Variants in CUL2 observed in about 807,000 individuals in gnomAD.
CUL2 encodes cullin-2.
A neutral mutation model predicts 110.2 loss-of-function variants in CUL2; 22 were observed. The ratio of observed to expected loss-of-function variants is 0.20; its 90% confidence interval spans 0.14 to 0.28. CUL2 has a LOEUF of 0.28. Ranked by LOEUF, CUL2 falls within the 10% of genes least tolerant of loss-of-function variation. CUL2 has a pLI of 1.00. For missense variants in CUL2, 631 were observed against 905.5 expected (o/e 0.70, Z 3.89); for synonymous variants, 279 against 293.2 (o/e 0.95, Z 0.49).
At position 35,009,225 on chromosome 10, in the gene CUL2, T is replaced by TA. The variant is rs1380061073; in HGVS notation, c.*1085dup. ...ATTATATATATATATATATATAAAA[T>TA]AAACAAAATAATGGGATTTATATAT... is the stretch of plus-strand genomic sequence containing the variant. On this transcript the variant is annotated 3_prime_UTR_variant, in exon 21 of 21. Transcript: ENST00000374749. 7.2e-6 allele frequency: 1 copy of TA among 138,876 alleles called. No homozygotes were observed. Among genetic ancestry groups the TA allele is most frequent in the Non-Finnish European group, 1.6e-5 (1 of 63,872 alleles). 8.6% of individuals were successfully genotyped at this position (138,876 alleles called of 1,614,324 possible).
chr10:35,021,262 CTTT>C (rs35593540), intron 17 of CUL2, among the ~76,000 whole-genome samples: 1 of 144,730 alleles, frequency 6.9e-6, no homozygotes, highest in South Asian at 2.2e-4. Flanking sequence ...TTCTTTCTTT[CTTT>C]TTTTTTTTTG....
intron 19 of CUL2, among the ~76,000 whole-genome samples, chr10:35,012,619 C>A (rs2084932260): frequency 6.6e-6 from 1 of 152,136 alleles, no homozygotes; most frequent in South Asian, 2.1e-4. Flanking sequence ...CTCCTCACAG[C>A]GTTTCAAAGA....
At chr10:35,074,341 AG>A in intron 1 of CUL2, 2 of 724,262 alleles carry the variant, frequency 2.8e-6, no homozygotes, top group Non-Finnish European at 4.9e-6. Flanking sequence ...ATCATAATCT[AG>A]GAACTTCTCT....
chr10:35,124,961 G>A (rs2087725246), intron 1 of CUL2, among the ~76,000 whole-genome samples: 1 of 152,222 alleles, frequency 6.6e-6, no homozygotes, highest in African/African-American at 2.4e-5. Context: ...CTATCACCTA[G>A]GTGAGGAGCC....
chr10:35,044,775 T>G lies in CUL2; in HGVS notation c.600A>C (p.Leu200Phe). The G allele has an allele frequency of 3.7e-6, 6 of 1,609,218 alleles. No individual in the cohort carries two copies. Among genetic ancestry groups the G allele is most frequent in the Non-Finnish European group, 4.2e-6 (5 of 1,177,524 alleles). ...HVEQYKKKFP[L>F]KFYQEIFESP... ...GTTTTTAAAGGAGGCTGTTTACCTT[T>G]AAGGGGAATTTTTTCTTATACTGTT... The change falls in exon 7 of 21, where the codon TTA (leucine) becomes TTC (phenylalanine). Residue 200 changes from leucine (L) to phenylalanine (F), a missense_variant. Coordinates refer to ENST00000374749, the MANE Select transcript of CUL2 (RefSeq NM_003591.4).
intron 16 of CUL2, among the ~76,000 whole-genome samples, chr10:35,027,372 C>T (rs1446622016): frequency 6.6e-6 from 1 of 151,976 alleles, no homozygotes; most frequent in Non-Finnish European, 1.5e-5. Flanking sequence ...TCTCAATCTC[C>T]TGACCTCATG....
intron 17 of CUL2, among the ~76,000 whole-genome samples, chr10:35,021,865 GT>G (rs1171890092): frequency 8.4e-6 from 1 of 119,352 alleles, no homozygotes; most frequent in Non-Finnish European, 1.8e-5. Flanking sequence ...GTGAGGTGGG[GT>G]GGGGTGAGGT....
At chr10:35,020,435 A>C (rs2085154051) in intron 17 of CUL2, among the ~76,000 whole-genome samples, 1 of 152,238 alleles carries the variant, frequency 6.6e-6, no homozygotes, top group Non-Finnish European at 1.5e-5. Context: ...TGAAAACAAA[A>C]GCAGGACAAA....
In CUL2 at chr10:35,063,158, C is replaced by CT. The variant is rs933122081; in HGVS notation, c.120-97dup. Reference sequence around the variant, plus strand: ...GGCATTAAAAAATGAAAAAACATTTCTTTTTGTGGTTTAGCTTATAATATA... The same window carrying CT: ...GGCATTAAAAAATGAAAAAACATTTCTTTTTTGTGGTTTAGCTTATAATATA... On this transcript the variant is annotated intron_variant, in intron 2 of 20. Transcript: ENST00000374749. 14 of 712,572 alleles carry CT rather than the reference C, an allele frequency of 2.0e-5. No homozygotes were observed. The African/African-American group carries it at 2.0e-4, about 10-fold the overall frequency. 44.1% of individuals were successfully genotyped at this position (712,572 alleles called of 1,614,324 possible). A position where few individuals can be genotyped will look rare whatever the true frequency, so the allele number is the denominator to read the frequency against.
chr10:35,047,153 C>T (rs911666867), intron 6 of CUL2, among the ~76,000 whole-genome samples: 1 of 152,032 alleles, frequency 6.6e-6, no homozygotes, highest in African/African-American at 2.4e-5. Flanking sequence ...CTGACATTCC[C>T]ACCTAGAAAA....
At chr10:35,095,342 GA>G (rs2087280797), upstream of CUL2, among the ~76,000 whole-genome samples, 6 of 148,276 alleles carry the variant, frequency 4.0e-5, no homozygotes, top group Admixed American at 2.7e-4. Flanking sequence ...AAAAAAGAAA[GA>G]AAGAAATACA....
At chr10:35,042,428 A>C (rs1219549687) in intron 8 of CUL2, among the ~76,000 whole-genome samples, 2 of 152,144 alleles carry the variant, frequency 1.3e-5, no homozygotes, top group African/African-American at 2.4e-5. Flanking sequence ...AGCCCTAGTT[A>C]CAGTCTTTAG....
At chr10:35,051,474 G>A (rs1187450354) in intron 5 of CUL2, among the ~76,000 whole-genome samples, 1 of 152,052 alleles carries the variant, frequency 6.6e-6, no homozygotes, top group Admixed American at 6.6e-5. Flanking sequence ...TTAGCCGGGC[G>A]AGGTGGCGGG....
At chr10:35,082,543 A>G (rs115126992) in intron 1 of CUL2, among the ~76,000 whole-genome samples, 417 of 152,310 alleles carry the variant, frequency 2.7e-3, no homozygotes, top group African/African-American at 9.6e-3. Flanking sequence ...ACCCTTAATG[A>G]CGGTTAAAAT....
Position 35,049,734 on chromosome 10 carries a change from A to T in CUL2, c.455T>A (p.Val152Asp). The stretch of plus-strand genomic sequence containing the variant: ...GATAAGGATGGCCTGAAGTGGTTCA[A>T]CCATCAATTTCCTCCACATATCCAA... ...LALDMWRKLM[V>D]EPLQAILIRM... Residue 152 changes from valine (V) to aspartate (D), a missense_variant, in exon 6 of 21, where the codon GTT (valine) becomes GAT (aspartate). Val to Asp is a radical substitution (Grantham distance 152). Transcript: ENST00000374749. 6.2e-7 allele frequency: 1 copy of T among 1,613,528 alleles called. No homozygotes were observed. The highest frequency in any genetic ancestry group is 8.5e-7 in the Non-Finnish European group (1 of 1,179,698).
chr10:35,030,848 T>G (rs2085464883), intron 14 of CUL2, among the ~76,000 whole-genome samples: 1 of 151,954 alleles, frequency 6.6e-6, no homozygotes, highest in Non-Finnish European at 1.5e-5. Context: ...GGCAACATAG[T>G]GAGACCCTAT....
rs183511859 is a variant in CUL2, at chr10:35,112,932, G to A, written c.-50-11872C>T. Among the ~76,000 whole-genome samples, 296 of 151,644 alleles carry A rather than the reference G, an allele frequency of 2.0e-3. 3 individuals carry two copies. Among genetic ancestry groups the A allele is most frequent in the African/African-American group, 6.8e-3 (280 of 41,312 alleles). ...ATTCAGGCCAGGCGTGGTGGCTCAC[G>A]TCTGTAATCCCAGTACTTTGGGAGG... On this transcript the variant is annotated intron_variant, in intron 1 of 5. Transcript: ENST00000685421.
upstream of CUL2, among the ~76,000 whole-genome samples, chr10:35,092,060 G>C (rs1052597555): frequency 4.6e-5 from 7 of 151,714 alleles, no homozygotes; most frequent in Non-Finnish European, 1.0e-4. Flanking sequence ...TCAAGCGAGT[G>C]TACCATCTCA....
rs1001431372 is a variant in CUL2, at chr10:35,046,204, T to C, written c.507-1336A>G. Among the ~76,000 whole-genome samples, 6 of 152,250 alleles carry C rather than the reference T, an allele frequency of 3.9e-5. No homozygotes were observed. The East Asian group carries it at 9.6e-4, about 24-fold the overall frequency. On this transcript the variant is annotated intron_variant, in intron 6 of 20. Coordinates refer to ENST00000374749, the MANE Select transcript of CUL2 (RefSeq NM_003591.4). ...TCTTGATATCACTGACTAGTTCATA[T>C]AATAAGGTCACACATGTGAGCTCAT...
Sources: allele counts gnomAD v4.1 joint callset (sites outside exome capture counted in the v4.1 genomes callset), GRCh38; gene constraint gnomAD v4.1.1; transcripts MANE v1.5; gene names NCBI Gene and HGNC (gene_info 2026-07-23, HGNC 2026-07-21).